OTULIN: variants seen among roughly 807,000 people sequenced by gnomAD.
OTULIN encodes OTU deubiquitinase with linear linkage specificity, also known as ubiquitin thioesterase otulin.
OTULIN carries 15 observed loss-of-function variants against 39.6 expected under a neutral mutation model. The observed-to-expected ratio is 0.38, with a 90% CI of 0.25 to 0.58. The LOEUF (loss-of-function observed/expected upper bound fraction) is 0.58. OTULIN is among the 20% of genes least tolerant of loss of function. The pLI, the probability that OTULIN is intolerant of heterozygous loss-of-function variation, is 0.66. For missense variants in OTULIN, 319 were observed against 445.9 expected, an observed-to-expected ratio of 0.72 and a Z score of 2.56; for synonymous variants, 156 against 170.3, an observed-to-expected ratio of 0.92 and a Z score of 0.65.
intron 1 of OTULIN, among the ~76,000 whole-genome samples, chr5:14,667,910 C>T (rs1405696358): frequency 6.6e-6 from 1 of 152,192 alleles, no homozygotes; most frequent in Non-Finnish European, 1.5e-5. Context: ...CCCCTGCTCA[C>T]TCCACCCCCA....
intron 4 of OTULIN, among the ~76,000 whole-genome samples, chr5:14,684,371 G>A (rs556583762): frequency 1.4e-4 from 21 of 152,332 alleles, no homozygotes; most frequent in African/African-American, 4.8e-4. Flanking sequence ...TACCCAGTTC[G>A]TTTTGTGGTA....
chr5:14,673,164 T>C (rs993589563), intron 1 of OTULIN, among the ~76,000 whole-genome samples: 13 of 152,320 alleles, frequency 8.5e-5, no homozygotes, highest in African/African-American at 3.1e-4. Context: ...TAATAACTGA[T>C]GGTCTCTTCT....
At chr5:14,685,876 T>C (rs926777133) in intron 4 of OTULIN, among the ~76,000 whole-genome samples, 3 of 150,086 alleles carry the variant, frequency 2.0e-5, no homozygotes, top group Admixed American at 6.8e-5. Context: ...CTTGAGGGCA[T>C]GTGAGGTTCT....
the OTULIN span, chr5:14,706,358 A>G: frequency 1.1e-4 from 16 of 152,340 alleles, no homozygotes; most frequent in East Asian, 2.9e-3. Flanking sequence ...ATTTTAAAAG[A>G]TACTGGCTAT....
chr5:14,683,870 C>A (rs192329683), intron 4 of OTULIN, among the ~76,000 whole-genome samples: 148 of 151,976 alleles, frequency 9.7e-4, no homozygotes, highest in Non-Finnish European at 1.8e-3. Flanking sequence ...ACAATGTCTC[C>A]CCCCCTTTTT....
At chr5:14,692,327 A>G (rs10075769) in intron 6 of OTULIN, among the ~76,000 whole-genome samples, 1 of 152,212 alleles carries the variant, frequency 6.6e-6, no homozygotes, top group Non-Finnish European at 1.5e-5. Context: ...GCTGGTGACC[A>G]CCACCTATAT....
chr5:14,712,114 G>C, the OTULIN span, among the ~76,000 whole-genome samples: 1 of 152,186 alleles, frequency 6.6e-6, no homozygotes, highest in Non-Finnish European at 1.5e-5. Context: ...AGCCCCAGCT[G>C]TGCTGAGGTT....
At chr5:14,708,185 C>CTA in the OTULIN span, 1 of 152,240 alleles carries the variant, frequency 6.6e-6, no homozygotes, top group African/African-American at 2.4e-5. Flanking sequence ...GTCCCTTGTG[C>CTA]TACTCAAACA....
At chr5:14,672,183 A>G (rs1735995753) in intron 1 of OTULIN, among the ~76,000 whole-genome samples, 1 of 152,142 alleles carries the variant, frequency 6.6e-6, no homozygotes, top group Non-Finnish European at 1.5e-5. Flanking sequence ...CAAATCACAG[A>G]TGTATGGGCA....
downstream of OTULIN, among the ~76,000 whole-genome samples, chr5:14,701,491 C>T (rs1227673970): frequency 1.3e-5 from 2 of 152,180 alleles, no homozygotes; most frequent in Non-Finnish European, 2.9e-5. Flanking sequence ...CAGACACCAG[C>T]CCACTGAGTC....
chr5:14,711,766 A>G, the OTULIN span, among the ~76,000 whole-genome samples: 1 of 152,052 alleles, frequency 6.6e-6, no homozygotes, highest in Non-Finnish European at 1.5e-5. Flanking sequence ...ATTCTCTCCC[A>G]CTTACTGCCT....
At chr5:14,666,644 TTTTTAGCAGCTTAA>T (rs1464400714) in intron 1 of OTULIN, among the ~76,000 whole-genome samples, 2 of 152,196 alleles carry the variant, frequency 1.3e-5, no homozygotes, top group Non-Finnish European at 2.9e-5. Flanking sequence ...GTGTGTGTGG[TTTTTAGCAGCTTAA>T]TTTTGCTTTT....
chr5:14,676,838 C>T (rs1736115958), intron 2 of OTULIN, among the ~76,000 whole-genome samples: 1 of 152,168 alleles, frequency 6.6e-6, no homozygotes, highest in Admixed American at 6.5e-5. Context: ...AAGACAGCTA[C>T]ATGAGAATGC....
intron 1 of OTULIN, among the ~76,000 whole-genome samples, chr5:14,667,708 C>A (rs983263144): frequency 9.2e-5 from 14 of 152,086 alleles, no homozygotes; most frequent in African/African-American, 3.4e-4. Flanking sequence ...TGCAGTTTTT[C>A]TTTCCCTCCC....
chr5:14,679,314 G>A (rs910520552), intron 3 of OTULIN, among the ~76,000 whole-genome samples: 2 of 152,122 alleles, frequency 1.3e-5, no homozygotes, highest in Admixed American at 6.5e-5. Context: ...GTTTGGTCCG[G>A]TTCATTACTC....
the OTULIN span, among the ~76,000 whole-genome samples, chr5:14,714,514 C>A: frequency 6.6e-6 from 1 of 152,174 alleles, no homozygotes; most frequent in South Asian, 2.1e-4. Flanking sequence ...AGGAAGTGCT[C>A]ATTCCTGGGA....
chr5:14,704,736 A>C (rs1341938280), downstream of OTULIN: 1 of 152,182 alleles, frequency 6.6e-6, no homozygotes, highest in East Asian at 1.9e-4. Flanking sequence ...AAACCAAGTA[A>C]CTTTGCGGTG....
Position 14,698,261 on chromosome 5 carries a change from T to G in OTULIN, c.*5213T>G, listed in dbSNP as rs572391060. On this transcript the variant is annotated 3_prime_UTR_variant, in exon 7 of 7. Transcript: ENST00000284274. The stretch of plus-strand genomic sequence containing the variant: ...TGGGTAAGCCATTGTGAATGGAGGC[T>G]GGTGGAGCAGCACACTGTGTGAACC... 3 of 152,362 alleles carry G rather than the reference T, an allele frequency of 2.0e-5. No individual in the cohort carries two copies. The highest frequency in any genetic ancestry group is 7.2e-5 in the African/African-American group (3 of 41,586). 9.4% of individuals were successfully genotyped at this position (152,362 alleles called of 1,614,324 possible).
downstream of OTULIN, among the ~76,000 whole-genome samples, chr5:14,702,430 T>G (rs1736815556): frequency 6.6e-6 from 1 of 152,138 alleles, no homozygotes. Context: ...AGGCCCAGAT[T>G]AGGAACCTGG....
Sources: allele counts gnomAD v4.1 joint callset (sites outside exome capture counted in the v4.1 genomes callset), GRCh38; gene constraint gnomAD v4.1.1; transcripts MANE v1.5; gene names NCBI Gene and HGNC (gene_info 2026-07-23, HGNC 2026-07-21).